TET2: variants seen among roughly 807,000 people sequenced by gnomAD.
The protein encoded by TET2 is methylcytosine dioxygenase TET2.
A neutral mutation model predicts 142.9 loss-of-function variants in TET2; 299 were observed. The ratio of observed to expected loss-of-function variants is 2.09; its 90% confidence interval spans 1.90 to 2.30. The LOEUF (loss-of-function observed/expected upper bound fraction) is 2.30, where lower values mean the gene tolerates loss of function less well. TET2 is among the 30% of genes most tolerant of loss of function. TET2 has a pLI of 0.00. For missense variants in TET2, 2,418 were observed against 2,378.0 expected (o/e 1.02, Z -0.35); for synonymous variants, 819 against 849.0 (o/e 0.96, Z 0.61).
chr4:105,179,396 G>T (rs1161870084), intron 1 of TET2, among the ~76,000 whole-genome samples: 1 of 152,128 alleles, frequency 6.6e-6, no homozygotes, highest in Non-Finnish European at 1.5e-5. Context: ...GGGAGGTGAT[G>T]GGGGATATCC....
chr4:105,175,618 A>G (rs931882970), intron 1 of TET2, among the ~76,000 whole-genome samples: 2 of 152,172 alleles, frequency 1.3e-5, no homozygotes, highest in African/African-American at 4.8e-5. Context: ...TGCAATGGGC[A>G]TACTAGAAAA....
chr4:105,264,500 A>T (rs57082569), intron 8 of TET2, among the ~76,000 whole-genome samples: 3,886 of 152,258 alleles, frequency 0.026, 175 homozygotes, highest in African/African-American at 0.089. Flanking sequence ...GATTCTTATT[A>T]TGGACCGTCT....
intron 1 of TET2, among the ~76,000 whole-genome samples, chr4:105,181,583 T>C (rs929963866): frequency 6.6e-6 from 1 of 152,234 alleles, no homozygotes; most frequent in Non-Finnish European, 1.5e-5. Context: ...TTAAAACTTC[T>C]TTAAAATGTG....
intron 6 of TET2, among the ~76,000 whole-genome samples, chr4:105,258,176 T>C (rs1730236563): frequency 6.6e-6 from 1 of 152,198 alleles, no homozygotes; most frequent in Non-Finnish European, 1.5e-5. Flanking sequence ...CCTATATTGC[T>C]GCAAGCTTTT....
intron 1 of TET2, among the ~76,000 whole-genome samples, chr4:105,175,839 T>C (rs550127658): frequency 7.2e-5 from 11 of 152,178 alleles, no homozygotes; most frequent in African/African-American, 2.2e-4. Flanking sequence ...AAAACACCTA[T>C]AGAGGAGCAA....
At chr4:105,257,645 C>CT (rs1307389284) in intron 6 of TET2, among the ~76,000 whole-genome samples, 1 of 152,102 alleles carries the variant, frequency 6.6e-6, no homozygotes, top group African/African-American at 2.4e-5. Flanking sequence ...TTTCTGAGGT[C>CT]TTTTGTGGGC....
At chr4:105,242,642 A>G (rs1454145857) in intron 4 of TET2, 192 bp from the exon 5 acceptor site, 1 of 1,346,314 alleles carries the variant, frequency 7.4e-7, no homozygotes, top group Non-Finnish European at 9.5e-7. Context: ...ACATTTTGAT[A>G]TTGAGGAAAA....
chr4:105,247,714 C>CTTTT (rs1206510081), intron 6 of TET2, among the ~76,000 whole-genome samples: 2,290 of 64,690 alleles, frequency 0.035, 2 homozygotes, highest in Non-Finnish European at 0.042. Flanking sequence ...TTTTTCTTTT[C>CTTTT]TTTTTTTTTT....
At position 105,235,286 on chromosome 4, in the gene TET2, A is replaced by G. The variant is rs763862886; in HGVS notation, c.1344A>G (p.Glu448=). Residue 448 remains glutamate, a synonymous_variant, in exon 3 of 11, where the codon GAA becomes GAG. Coordinates refer to ENST00000380013, the MANE Select transcript of TET2 (RefSeq NM_001127208.3). ...AAAGTAACACAACACTTTTAAGGGA[A>G]GTGAAAATAGAGGGTAAACCTGAGG... ...PNQSNTTLLR[E]VKIEGKPEAP... is the part of the protein sequence containing the mutation. The G allele has an allele frequency of 6.2e-7, 1 of 1,614,132 alleles. No individual in the cohort carries two copies. The highest frequency in any genetic ancestry group is 8.5e-7 in the Non-Finnish European group (1 of 1,180,014).
chr4:105,260,581 A>G (rs188320546), intron 7 of TET2, among the ~76,000 whole-genome samples: 42 of 152,278 alleles, frequency 2.8e-4, no homozygotes, highest in African/African-American at 2.4e-5. Context: ...CTATACACTT[A>G]CAATTATCTT....
intron 8 of TET2, 48 bp downstream of exon 8, chr4:105,261,896 CT>C: frequency 1.8e-6 from 2 of 1,088,360 alleles, no homozygotes; most frequent in Non-Finnish European, 2.7e-6. Flanking sequence ...TTACTTGTTA[CT>C]AATGACCTAT....
intron 1 of TET2, among the ~76,000 whole-genome samples, chr4:105,167,367 T>A (rs1724208020): frequency 6.6e-6 from 1 of 151,990 alleles, no homozygotes; most frequent in African/African-American, 2.4e-5. Context: ...AGTGCGTATA[T>A]GTGTACACAT....
At chr4:105,272,995 C>A in intron 10 of TET2, 77 bp downstream of exon 10, 1 of 1,212,912 alleles carries the variant, frequency 8.2e-7, no homozygotes, top group Non-Finnish European at 1.1e-6. Flanking sequence ...TGGTTTTGCC[C>A]CCATCAACTT....
Position 105,236,864 on chromosome 4 carries a change from TA to T in TET2, c.2923del (p.Ser975ValfsTer32). ...AGCAACCCCAAACTGAGTCTTGCCA[TA>T]GTCAGATGCACAGGCCAATTAAGGT... ...TQQPQTESCH[S>X]QMHRPIKVEP... is the part of the protein sequence containing the mutation. On this transcript the variant is annotated frameshift_variant, in exon 3 of 11. Coordinates refer to ENST00000380013, the MANE Select transcript of TET2 (RefSeq NM_001127208.3). LOFTEE classifies it high-confidence loss of function. The T allele has an allele frequency of 6.2e-7, 1 of 1,614,040 alleles. No individual in the cohort carries two copies. The highest frequency in any genetic ancestry group is 8.5e-7 in the Non-Finnish European group (1 of 1,179,994).
Position 105,275,721 on chromosome 4 carries a change from C to G in TET2, c.5211C>G (p.Thr1737=). 6.4e-7 allele frequency: 1 copy of G among 1,551,740 alleles called. No individual in the cohort carries two copies. Residue 1737 remains threonine (T), a synonymous_variant, in exon 11 of 11, where the codon ACC becomes ACG. Transcript: ENST00000380013. ...TGGATGGCCACTTCATGGGAGCCAC[C>G]TCTAGATTACCACCCAATCTGAGCA... ...HEMDGHFMGA[T]SRLPPNLSNP... is the part of the protein sequence containing the mutation.
intron 1 of TET2, among the ~76,000 whole-genome samples, chr4:105,169,240 A>G (rs1216372042): frequency 6.6e-6 from 1 of 152,112 alleles, no homozygotes; most frequent in Admixed American, 6.6e-5. Context: ...ATCCATGCCA[A>G]CGTCTACTAT....
Position 105,234,921 on chromosome 4 carries a change from T to C in TET2, c.979T>C (p.Ser327Pro). ...QKPEQLQQQKSVFEICPSPAE... is the reference protein window; with the variant it reads ...QKPEQLQQQKPVFEICPSPAE... The stretch of plus-strand genomic sequence containing the variant: ...ACCAGAACAACTACAACAACAAAAA[T>C]CAGTTTTTGAGATATGCCCATCTCC... The change falls in exon 3 of 11, where the codon TCA becomes CCA. Residue 327 changes from serine to proline, a missense_variant. Transcript: ENST00000380013. 17 of 1,613,946 alleles carry C rather than the reference T, an allele frequency of 1.1e-5. No homozygotes were observed. Among genetic ancestry groups the C allele is most frequent in the Non-Finnish European group, 1.4e-5 (16 of 1,179,982 alleles).
At chr4:105,222,156 A>C (rs1727868496) in intron 2 of TET2, among the ~76,000 whole-genome samples, 1 of 152,198 alleles carries the variant, frequency 6.6e-6, no homozygotes. Context: ...GCTATTGTGA[A>C]TAGTGCCGCA....
chr4:105,235,936 CAG>C lies in TET2; in HGVS notation c.1996_1997del (p.Asp666ProfsTer14). ...TCACACCAGGTGCACTTCTCCAAAA[CAG>C]ACCATTTACCAAAAGCTCATGTGCA... is the stretch of plus-strand genomic sequence containing the variant. On this transcript the variant is annotated frameshift_variant, in exon 3 of 11. Transcript: ENST00000380013. LOFTEE classifies it high-confidence loss of function. The C allele has an allele frequency of 6.2e-7, 1 of 1,614,160 alleles. No homozygotes were observed. Among genetic ancestry groups the C allele is most frequent in the Non-Finnish European group, 8.5e-7 (1 of 1,180,024 alleles).
Sources: gnomAD v4.1 joint callset for allele counts (sites outside exome capture counted in the v4.1 genomes callset) on GRCh38, gnomAD v4.1.1 for gene constraint, MANE v1.5 for transcripts, NCBI Gene and HGNC (gene_info 2026-07-23, HGNC 2026-07-21) for gene names.